HIVEP3: variants seen among roughly 807,000 people sequenced by gnomAD.
The protein encoded by HIVEP3 is HIVEP zinc finger 3, also known as transcription factor HIVEP3.
HIVEP3 carries 49 observed loss-of-function variants against 152.8 expected under a neutral mutation model. That is an observed-to-expected ratio of 0.32 (90% CI 0.26 to 0.41). The LOEUF (loss-of-function observed/expected upper bound fraction) is 0.41. Ranked by LOEUF, HIVEP3 falls within the 10% of genes least tolerant of loss-of-function variation. The pLI is 1.00. For synonymous variants in HIVEP3, 1,269 were observed against 1,289.0 expected, an observed-to-expected ratio of 0.98 and a Z score of 0.33; for missense variants, 2,790 against 3,103.3, an observed-to-expected ratio of 0.90 and a Z score of 2.40.
intron 1 of HIVEP3, among the ~76,000 whole-genome samples, chr1:41,994,995 A>G (rs1425290651): frequency 2.0e-5 from 3 of 152,206 alleles, no homozygotes; most frequent in African/African-American, 7.2e-5. Flanking sequence ...GACAGACAGT[A>G]ACAAAAAATA....
rs1410972073 is a variant in HIVEP3 at position 42,021,778 on chromosome 1, A to G, written n.119+14029T>C. 3.9e-5 allele frequency among the ~76,000 whole-genome samples: 6 copies of G among 152,172 alleles called. No homozygotes were observed. In the East Asian group the frequency reaches 5.8e-4, roughly 15 times the overall value. On this transcript the variant is annotated intron_variant and non_coding_transcript_variant, in intron 1 of 3. Coordinates refer to the HIVEP3 transcript ENST00000489103. ...CCAGTGAGGGGAAATTCTCACGTGTATATCAGTCTGTTTCTGAATTCTTTA... is the reference window on the plus strand; with the variant it reads ...CCAGTGAGGGGAAATTCTCACGTGTGTATCAGTCTGTTTCTGAATTCTTTA...
Position 41,628,796 on chromosome 1 carries a change from T to C in HIVEP3, c.-569A>G. ...GATGACCAAAACTGAAACGCTGTTC[T>C]CTCTGAAAGCCAGCATTCATGTCCA... On this transcript the variant is annotated 5_prime_UTR_variant, in exon 3 of 9. Coordinates refer to ENST00000372583, the MANE Select transcript of HIVEP3 (RefSeq NM_024503.5). 3 of 1,232,174 alleles carry C rather than the reference T, an allele frequency of 2.4e-6. No individual in the cohort carries two copies. Among genetic ancestry groups the C allele is most frequent in the Non-Finnish European group, 3.0e-6 (3 of 987,990 alleles). The allele number at this position is 1,232,174 out of a possible 1,614,324, so 76.3% of individuals were successfully genotyped here.
chr1:41,825,993 G>A (rs1232191745), intron 1 of HIVEP3, among the ~76,000 whole-genome samples: 1 of 152,126 alleles, frequency 6.6e-6, no homozygotes, highest in Non-Finnish European at 1.5e-5. Flanking sequence ...AGAGTAATGA[G>A]TAATGAGCCA....
At chr1:41,528,912 C>A (rs1643126041) in intron 5 of HIVEP3, among the ~76,000 whole-genome samples, 1 of 139,726 alleles carries the variant, frequency 7.2e-6, no homozygotes, top group African/African-American at 2.7e-5. Flanking sequence ...CCCGCCCTCA[C>A]ACCTTCGCAC....
chr1:41,716,566 A>T (rs1248017863), intron 1 of HIVEP3, among the ~76,000 whole-genome samples: 1 of 152,152 alleles, frequency 6.6e-6, no homozygotes, highest in Non-Finnish European at 1.5e-5. Flanking sequence ...TGTGGCCACA[A>T]AGGGCTTCTT....
chr1:41,537,069 A>G (rs1406423627), intron 5 of HIVEP3, among the ~76,000 whole-genome samples: 1 of 152,212 alleles, frequency 6.6e-6, no homozygotes, highest in Non-Finnish European at 1.5e-5. Flanking sequence ...TAGCTAGTCA[A>G]TAGGGGCATG....
chr1:42,005,792 C>T (rs1348080089), intron 1 of HIVEP3, among the ~76,000 whole-genome samples: 1 of 152,206 alleles, frequency 6.6e-6, no homozygotes, highest in African/African-American at 2.4e-5. Context: ...ATAAAGCCTT[C>T]AACCATGTTT....
intron 2 of HIVEP3, among the ~76,000 whole-genome samples, chr1:41,695,336 G>A (rs1361178473): frequency 1.3e-5 from 2 of 152,212 alleles, no homozygotes; most frequent in Admixed American, 1.3e-4. Context: ...GTGCTGCCAA[G>A]CAGCCACTTC....
chr1:41,539,016 G>A (rs555598521), intron 5 of HIVEP3, among the ~76,000 whole-genome samples: 125 of 152,322 alleles, frequency 8.2e-4, no homozygotes, highest in Non-Finnish European at 1.4e-3. Flanking sequence ...GGTTTTCAGA[G>A]TGAGTATGTA....
intron 1 of HIVEP3, among the ~76,000 whole-genome samples, chr1:41,974,941 T>C (rs1250426051): frequency 6.6e-6 from 1 of 152,014 alleles, no homozygotes; most frequent in African/African-American, 2.4e-5. Context: ...AGGGCTGAGG[T>C]ATGGAATTCT....
Position 41,583,733 on chromosome 1 carries a change from T to C in HIVEP3, c.1065A>G (p.Glu355=), listed in dbSNP as rs1644458164. The part of the protein sequence containing the change: ...SSEHPLSHKP[E]DTHTIKQKLA... ...GCTTCTGCTTAATCGTGTGGGTGTC[T>C]TCAGGTTTATGGCTCAGGGGGTGCT... The change falls in exon 4 of 9, where the codon GAA becomes GAG. Residue 355 remains glutamate, a synonymous_variant. Transcript: ENST00000372583. The surrounding 1 kb of genome is among the most constrained non-coding windows in gnomAD (Gnocchi z 6.9). 5 of 1,603,828 alleles carry C rather than the reference T, an allele frequency of 3.1e-6. No individual in the cohort carries two copies. The African/African-American group carries it at 4.0e-5, about 13-fold the overall frequency.
chr1:41,951,854 A>G (rs1055896286), intron 1 of HIVEP3, among the ~76,000 whole-genome samples: 1 of 152,144 alleles, frequency 6.6e-6, no homozygotes, highest in Non-Finnish European at 1.5e-5. Flanking sequence ...CCCTCCCACA[A>G]CATGTGGGGA....
intron 2 of HIVEP3, among the ~76,000 whole-genome samples, chr1:41,633,358 G>T (rs936460545): frequency 2.0e-5 from 3 of 152,148 alleles, no homozygotes; most frequent in African/African-American, 7.2e-5. Context: ...GGCAGTGAGG[G>T]CCCACCTGCC....
intron 8 of HIVEP3, among the ~76,000 whole-genome samples, 185 bp downstream of exon 8, chr1:41,512,631 C>G (rs1284984798): frequency 3.3e-5 from 5 of 152,232 alleles, no homozygotes. Context: ...AATAAGCCAG[C>G]TGATTTAGGG....
chr1:41,818,721 T>G (rs1200810266), intron 1 of HIVEP3, among the ~76,000 whole-genome samples: 1 of 152,162 alleles, frequency 6.6e-6, no homozygotes, highest in Non-Finnish European at 1.5e-5. Context: ...GAAATAGGTA[T>G]TCACATTTAG....
At chr1:42,016,992 T>C (rs1645526790) in intron 1 of HIVEP3, among the ~76,000 whole-genome samples, 1 of 152,156 alleles carries the variant, frequency 6.6e-6, no homozygotes. Flanking sequence ...CAAATTATTC[T>C]AATAATCAAA....
Position 41,618,247 on chromosome 1 carries a change from A to C in HIVEP3, c.-522+10502T>G, listed in dbSNP as rs147808355. ...GCTTGCCACTCTGGCTGCCACACAG[A>C]AGAGTCTCCTTGCGCTCAGCAGACT... On this transcript the variant is annotated intron_variant, in intron 3 of 8. Transcript: ENST00000372583. Among the ~76,000 whole-genome samples the C allele has an allele frequency of 5.1e-3, 777 of 152,314 alleles. 3 individuals are homozygous for C. Among genetic ancestry groups the C allele is most frequent in the African/African-American group, 0.018 (744 of 41,562 alleles).
At position 41,583,473 on chromosome 1, in the gene HIVEP3, G is replaced by C. The variant is rs769873641; in HGVS notation, c.1325C>G (p.Pro442Arg). The C allele has an allele frequency of 5.6e-6, 9 of 1,613,578 alleles. No homozygotes were observed. Among genetic ancestry groups the C allele is most frequent in the Non-Finnish European group, 5.1e-6 (6 of 1,179,594 alleles). ...LTATSTQPLL[P>R]LSTEDKPSLV... ...GCTGGGCTTGTCTTCGGTGGACAGGGGCAGGAGGGGCTGGGTGGAGGTGGC... is the reference window on the plus strand; with the variant it reads ...GCTGGGCTTGTCTTCGGTGGACAGGCGCAGGAGGGGCTGGGTGGAGGTGGC... Residue 442 changes from proline (P) to arginine (R), a missense_variant, in exon 4 of 9, where the codon CCC (proline) becomes CGC (arginine). By Grantham distance (103) the Pro-to-Arg change is moderately radical. This residue lies in a region of HIVEP3 where 134 missense variants were observed against 242.5 expected (regional missense o/e 0.55). Transcript: ENST00000372583. The surrounding 1 kb of genome is among the most constrained non-coding windows in gnomAD (Gnocchi z 6.9).
intron 2 of HIVEP3, among the ~76,000 whole-genome samples, chr1:41,668,783 G>C (rs532257174): frequency 5.9e-5 from 9 of 152,296 alleles, no homozygotes; most frequent in Admixed American, 5.2e-4. Flanking sequence ...CCTTCTCAGT[G>C]ATGTTCTGGT....
Sources: allele counts gnomAD v4.1 joint callset (sites outside exome capture counted in the v4.1 genomes callset), GRCh38; gene constraint gnomAD v4.1.1; regional missense constraint gnomAD v4.1.1; non-coding constraint Gnocchi (gnomAD v3.1); transcripts MANE v1.5; gene names NCBI Gene and HGNC (gene_info 2026-07-23, HGNC 2026-07-21).